Variants in CNTNAP5 observed in about 807,000 individuals in gnomAD.
CNTNAP5 encodes contactin-associated protein-like 5.
A neutral mutation model predicts 150.2 loss-of-function variants in CNTNAP5; 72 were observed. The ratio of observed to expected loss-of-function variants is 0.48; its 90% confidence interval spans 0.40 to 0.58. The LOEUF (loss-of-function observed/expected upper bound fraction) is 0.58. Ranked by LOEUF, CNTNAP5 falls within the 20% of genes least tolerant of loss-of-function variation. The pLI is 0.00. For missense variants in CNTNAP5, 1,636 were observed against 1,626.2 expected, an observed-to-expected ratio of 1.01 and a Z score of -0.10; for synonymous variants, 672 against 619.8, an observed-to-expected ratio of 1.08 and a Z score of -1.25.
chr2:124,608,946 A>G (rs79965982), intron 11 of CNTNAP5, among the ~76,000 whole-genome samples: 3 of 136,094 alleles, frequency 2.2e-5, no homozygotes, highest in Admixed American at 7.2e-5. Context: ...CTACCTCAAG[A>G]AAAAAAAAAA....
chr2:124,509,642 A>G (rs1039072377), intron 8 of CNTNAP5, among the ~76,000 whole-genome samples: 9 of 152,186 alleles, frequency 5.9e-5, no homozygotes, highest in Admixed American at 2.0e-4. Flanking sequence ...TTTTCCTTAG[A>G]ATTCTCAAGT....
At chr2:124,607,024 TG>T (rs575183400) in intron 11 of CNTNAP5, among the ~76,000 whole-genome samples, 124 of 152,360 alleles carry the variant, frequency 8.1e-4, no homozygotes, top group Non-Finnish European at 1.5e-3. Flanking sequence ...GTGCCATATG[TG>T]GATTGTGTCT....
chr2:124,685,966 A>C (rs1051591409), intron 13 of CNTNAP5, among the ~76,000 whole-genome samples: 1 of 152,030 alleles, frequency 6.6e-6, no homozygotes, highest in African/African-American at 2.4e-5. Context: ...TCATCTTCAC[A>C]ATTTTATTAT....
chr2:124,435,816 C>T lies in CNTNAP5; in HGVS notation c.733+1129C>T, dbSNP rs1265574108. On this transcript the variant is annotated intron_variant, in intron 5 of 23. Transcript: ENST00000682447. ...ATTTCTGAGGATCTTCTTGGAGCCC[C>T]ATGGTGACTATAGGCAGCGGTAGCA... Among the ~76,000 whole-genome samples, 4 of 152,036 alleles carry T rather than the reference C, an allele frequency of 2.6e-5. No homozygotes were observed. In the South Asian group the frequency reaches 6.2e-4, roughly 24 times the overall value.
chr2:124,373,117 G>A (rs536016883), intron 3 of CNTNAP5, among the ~76,000 whole-genome samples: 1 of 152,286 alleles, frequency 6.6e-6, no homozygotes, highest in African/African-American at 2.4e-5. Context: ...TAGAGGAGCA[G>A]TGCCGTTCTT....
At chr2:124,102,013 CCA>C in intron 1 of CNTNAP5, among the ~76,000 whole-genome samples, 1 of 152,256 alleles carries the variant, frequency 6.6e-6, no homozygotes, top group East Asian at 1.9e-4. Flanking sequence ...ACAACCAGCT[CCA>C]GAGACACTTG....
intron 16 of CNTNAP5, among the ~76,000 whole-genome samples, chr2:124,766,890 A>G (rs551357530): frequency 6.6e-6 from 1 of 152,290 alleles, no homozygotes; most frequent in South Asian, 2.1e-4. Context: ...TTGGTATATA[A>G]TATATCACCA....
At chr2:124,621,285 T>G (rs1677609369) in intron 12 of CNTNAP5, among the ~76,000 whole-genome samples, 1 of 152,204 alleles carries the variant, frequency 6.6e-6, no homozygotes. Flanking sequence ...TCTTGATGGA[T>G]TCAATGCCAA....
intron 5 of CNTNAP5, among the ~76,000 whole-genome samples, chr2:124,435,894 A>C (rs1692519893): frequency 6.6e-6 from 1 of 152,196 alleles, no homozygotes; most frequent in African/African-American, 2.4e-5. Context: ...CTAATATATT[A>C]GATATACACA....
chr2:124,684,965 A>G (rs2105072807), intron 13 of CNTNAP5, among the ~76,000 whole-genome samples: 1 of 152,230 alleles, frequency 6.6e-6, no homozygotes, highest in African/African-American at 2.4e-5. Flanking sequence ...AGGCCTTCCT[A>G]TGCTTACAGA....
chr2:124,559,338 C>T (rs2104926566), intron 10 of CNTNAP5, among the ~76,000 whole-genome samples: 1 of 152,232 alleles, frequency 6.6e-6, no homozygotes, highest in East Asian at 1.9e-4. Flanking sequence ...AGACAATGCA[C>T]ATTCTGCTTT....
intron 7 of CNTNAP5, among the ~76,000 whole-genome samples, chr2:124,499,459 G>T (rs1694228348): frequency 6.6e-6 from 1 of 152,224 alleles, no homozygotes; most frequent in Admixed American, 6.5e-5. Flanking sequence ...AGTGGGGATG[G>T]AGGGTGCAGA....
At chr2:124,434,398 C>G (rs949751040) in intron 4 of CNTNAP5, 86 bp from the exon 5 acceptor site, 1 of 1,053,548 alleles carries the variant, frequency 9.5e-7, no homozygotes, top group Admixed American at 1.7e-5. Flanking sequence ...TTTCTGTGAA[C>G]TGGACATGAA....
chr2:124,728,725 T>C (rs1680210499), intron 13 of CNTNAP5, among the ~76,000 whole-genome samples: 1 of 152,038 alleles, frequency 6.6e-6, no homozygotes, highest in African/African-American at 2.4e-5. Flanking sequence ...GAATGAGGCA[T>C]GGAAAAATTG....
intron 13 of CNTNAP5, among the ~76,000 whole-genome samples, chr2:124,683,019 T>C (rs752764734): frequency 6.6e-6 from 1 of 152,206 alleles, no homozygotes; most frequent in Non-Finnish European, 1.5e-5. Context: ...GTTGTTGCAG[T>C]TGGTGGCCAT....
intron 8 of CNTNAP5, among the ~76,000 whole-genome samples, chr2:124,510,941 C>T (rs768275956): frequency 6.6e-6 from 1 of 152,114 alleles, no homozygotes; most frequent in Non-Finnish European, 1.5e-5. Flanking sequence ...ATTTTAAGCT[C>T]CCAGTTCTTT....
chr2:124,811,178 A>C (rs1181570459), intron 19 of CNTNAP5, among the ~76,000 whole-genome samples: 1 of 152,178 alleles, frequency 6.6e-6, no homozygotes, highest in Non-Finnish European at 1.5e-5. Context: ...GGGTCTCAGA[A>C]AGACAGCTCC....
chr2:124,628,124 C>A lies in CNTNAP5; in HGVS notation c.1876+18204C>A, dbSNP rs1375852913. Among the ~76,000 whole-genome samples, 3 of 152,138 alleles carry A rather than the reference C, an allele frequency of 2.0e-5. No homozygotes were observed. The South Asian group carries it at 6.2e-4, about 32-fold the overall frequency. Reference sequence around the variant, plus strand: ...CTTTAAGAGATGGGGAGAATGGAACCAAGTTGTAAAACACACTTCAGTGTA... The same window carrying A: ...CTTTAAGAGATGGGGAGAATGGAACAAAGTTGTAAAACACACTTCAGTGTA... On this transcript the variant is annotated intron_variant, in intron 12 of 23. Transcript: ENST00000682447.
chr2:124,624,290 T>G (rs1677674730), intron 12 of CNTNAP5, among the ~76,000 whole-genome samples: 1 of 152,222 alleles, frequency 6.6e-6, no homozygotes, highest in African/African-American at 2.4e-5. Flanking sequence ...CATACCCGTT[T>G]TAGCACGGCC....
Sources: allele counts gnomAD v4.1 joint callset (sites outside exome capture counted in the v4.1 genomes callset), GRCh38; gene constraint gnomAD v4.1.1; transcripts MANE v1.5; gene names NCBI Gene and HGNC (gene_info 2026-07-23, HGNC 2026-07-21).